The following CREBBP variants were observed in gnomAD, a reference collection of about 807,000 sequenced individuals.
CREBBP encodes the protein CREB binding lysine acetyltransferase.
Under a neutral mutation model 265.0 loss-of-function variants are expected in CREBBP, and 19 were observed. The ratio of observed to expected loss-of-function variants is 0.07; its 90% CI spans 0.05 to 0.11. The LOEUF (loss-of-function observed/expected upper bound fraction) is 0.11. CREBBP is among the 10% of genes least tolerant of loss of function. The pLI is 1.00. For missense variants in CREBBP, 2,525 were observed against 3,219.0 expected (o/e 0.78, Z 5.22); for synonymous variants, 1,457 against 1,223.7 (o/e 1.19, Z -3.98).
chr16:3,778,878 G>C (rs2053207260), intron 8 of CREBBP, 61 bp from the exon 9 acceptor site: 1 of 1,496,128 alleles, frequency 6.7e-7, no homozygotes, highest in Non-Finnish European at 9.3e-7. Context: ...TAAAGACATG[G>C]GGTTTCGTCC....
intron 2 of CREBBP, among the ~76,000 whole-genome samples, chr16:3,814,164 A>AGTGTGTGTGTGTGTGTGTGT (rs35866243): frequency 1.7e-5 from 2 of 119,686 alleles, no homozygotes; most frequent in African/African-American, 6.0e-5. Context: ...AATGTTGTTT[A>AGTGTGTGTGTGTGTGTGTGT]GTGTGTGTGT....
At chr16:3,841,574 G>A (rs762190706) in intron 2 of CREBBP, among the ~76,000 whole-genome samples, 9 of 152,208 alleles carry the variant, frequency 5.9e-5, no homozygotes, top group Middle Eastern at 6.8e-3. Context: ...CCAGGAGTTC[G>A]AGGCTGCAGG....
chr16:3,729,955 C>A, intron 30 of CREBBP, 81 bp from the exon 31 acceptor site: 1 of 1,564,428 alleles, frequency 6.4e-7, no homozygotes, highest in African/African-American at 1.3e-5. Context: ...CCCTCCACCG[C>A]TAAGTCTGGG....
Position 3,729,096 on chromosome 16 carries a change from C to A in CREBBP, c.5951G>T (p.Gly1984Val). ...CCCCGGGGTCCCCATGCCCGTGCGT[C>A]CTGGGGGCATGCTGTTGTTGATGTT... ...RVNINNSMPP[G>V]RTGMGTPGSQ... Residue 1984 changes from glycine (G) to valine (V), a missense_variant, in exon 31 of 31, where the codon GGA becomes GTA. Around this residue, in one of 19 missense-constraint regions of CREBBP, gnomAD observed 275 missense variants for 276.5 expected, o/e 0.99. Transcript: ENST00000262367. 6 of 1,584,948 alleles carry A rather than the reference C, an allele frequency of 3.8e-6. No homozygotes were observed. Among genetic ancestry groups the A allele is most frequent in the Non-Finnish European group, 5.1e-6 (6 of 1,171,332 alleles).
intron 2 of CREBBP, among the ~76,000 whole-genome samples, chr16:3,837,890 C>T (rs539972142): frequency 6.6e-6 from 1 of 152,108 alleles, no homozygotes; most frequent in Non-Finnish European, 1.5e-5. Context: ...TGTACAGCAA[C>T]GTTCTCAGCT....
At chr16:3,795,412 A>G (rs1211691469) in intron 3 of CREBBP, among the ~76,000 whole-genome samples, 1 of 152,212 alleles carries the variant, frequency 6.6e-6, no homozygotes, top group Non-Finnish European at 1.5e-5. Flanking sequence ...ATGTTTACGT[A>G]TGAACCATAA....
At chr16:3,762,651 G>A (rs1474915499) in intron 16 of CREBBP, among the ~76,000 whole-genome samples, 3 of 152,126 alleles carry the variant, frequency 2.0e-5, no homozygotes, top group Non-Finnish European at 2.9e-5. Context: ...TCCCAAAAAC[G>A]CGGCTCTCGA....
Position 3,814,937 on chromosome 16 carries a change from C to CA in CREBBP, c.799-4159dup, listed in dbSNP as rs553403219. 2.3e-3 allele frequency among the ~76,000 whole-genome samples: 354 copies of CA among 152,346 alleles called. 3 individuals are homozygous for CA. Among genetic ancestry groups the CA allele is most frequent in the Non-Finnish European group, 3.6e-3 (248 of 68,040 alleles). ...ACCAGGCTAAAGAGGTCAGCTCTCTCACAGGGTATCACTGCTCATTGCCCA... is the reference window on the plus strand; with the variant it reads ...ACCAGGCTAAAGAGGTCAGCTCTCTCAACAGGGTATCACTGCTCATTGCCCA... On this transcript the variant is annotated intron_variant, in intron 2 of 30. Coordinates refer to ENST00000262367, the MANE Select transcript of CREBBP (RefSeq NM_004380.3).
Position 3,727,601 on chromosome 16 carries a change from C to CCCTT in CREBBP, c.*113_*116dup. The CCCTT allele has an allele frequency of 6.5e-7, 1 of 1,530,974 alleles. No homozygotes were observed. The highest frequency in any genetic ancestry group is 8.9e-7 in the Non-Finnish European group (1 of 1,122,796). 94.8% of individuals were successfully genotyped at this position (1,530,974 alleles called of 1,614,324 possible). On this transcript the variant is annotated 3_prime_UTR_variant, in exon 31 of 31. Transcript: ENST00000262367. ...TATTGTTTCTTTAAACATCAATCCA[C>CCCTT]CCTTCCATGGCTCGGAAGTCGCAGT...
chr16:3,839,417 A>T (rs2054520802), intron 2 of CREBBP, among the ~76,000 whole-genome samples: 1 of 152,196 alleles, frequency 6.6e-6, no homozygotes, highest in African/African-American at 2.4e-5. Context: ...GAGGTGGCTC[A>T]TGTCTGTAAT....
chr16:3,734,780 G>C lies in CREBBP; in HGVS notation c.4728+1256C>G, dbSNP rs188116453. The stretch of plus-strand genomic sequence containing the variant: ...TCTCAACCACCTGTGCAGTGAGCAC[G>C]AGTGTGTGTGGCGGAAGCGGCCCAG... On this transcript the variant is annotated intron_variant, in intron 28 of 30. Transcript: ENST00000262367. Among the ~76,000 whole-genome samples the C allele has an allele frequency of 5.9e-5, 9 of 152,250 alleles. 1 individual carries two copies. In the East Asian group the frequency reaches 1.7e-3, roughly 29 times the overall value.
intron 16 of CREBBP, among the ~76,000 whole-genome samples, chr16:3,765,609 G>C (rs1348352205): frequency 6.6e-6 from 1 of 152,250 alleles, no homozygotes; most frequent in African/African-American, 2.4e-5. Flanking sequence ...AAATGCTTTG[G>C]AAAACTTGTA....
intron 6 of CREBBP, among the ~76,000 whole-genome samples, chr16:3,782,147 GTGAGCAAACGAT>G (rs1292503715): frequency 6.6e-6 from 1 of 152,182 alleles, no homozygotes; most frequent in East Asian, 1.9e-4. Flanking sequence ...ATGGCGATGT[GTGAGCAAACGAT>G]CAAAGGCTGG....
chr16:3,792,734 A>C (rs2053530776), intron 4 of CREBBP, among the ~76,000 whole-genome samples: 1 of 152,246 alleles, frequency 6.6e-6, no homozygotes, highest in Admixed American at 6.5e-5. Flanking sequence ...GCAGAGAAGG[A>C]AAGAGAATAA....
chr16:3,820,093 G>C (rs2054113163), intron 2 of CREBBP, among the ~76,000 whole-genome samples: 1 of 152,278 alleles, frequency 6.6e-6, no homozygotes, highest in South Asian at 2.1e-4. Context: ...TAATTGAATA[G>C]CCAGAAATAT....
At chr16:3,852,677 G>C (rs1018441367) in intron 1 of CREBBP, among the ~76,000 whole-genome samples, 2 of 152,176 alleles carry the variant, frequency 1.3e-5, no homozygotes, top group African/African-American at 4.8e-5. Flanking sequence ...GAGAAGCACA[G>C]TGACTCCCGA....
intron 2 of CREBBP, among the ~76,000 whole-genome samples, chr16:3,849,436 TGTGTGTGTGTGTGTGTG>T (rs2054758388): frequency 8.8e-5 from 1 of 11,400 alleles, no homozygotes; most frequent in Non-Finnish European, 6.2e-4. Flanking sequence ...TGTGTGTGTG[TGTGTGTGTGTGTGTGTG>T]TGTGTGTGTG....
intron 28 of CREBBP, among the ~76,000 whole-genome samples, chr16:3,733,652 A>G (rs2051976768): frequency 6.6e-6 from 1 of 151,674 alleles, no homozygotes; most frequent in Non-Finnish European, 1.5e-5. Context: ...AAGGAAGCCT[A>G]TTTTTTTTGA....
chr16:3,829,121 T>C (rs2054294566), intron 2 of CREBBP, among the ~76,000 whole-genome samples: 1 of 152,162 alleles, frequency 6.6e-6, no homozygotes, highest in African/African-American at 2.4e-5. Flanking sequence ...TGGTGACAGA[T>C]GGACAGCAAA....
Sources: allele counts gnomAD v4.1 joint callset (sites outside exome capture counted in the v4.1 genomes callset), GRCh38; gene constraint gnomAD v4.1.1; regional missense constraint gnomAD v4.1.1; transcripts MANE v1.5; gene names NCBI Gene and HGNC (gene_info 2026-07-23, HGNC 2026-07-21).